The following SV2C variants were observed in gnomAD, a reference collection of about 807,000 sequenced individuals.
SV2C encodes solute carrier family 22 member B3.
Under a neutral mutation model 79.7 loss-of-function variants are expected in SV2C, and 49 were observed. That is an observed-to-expected ratio of 0.61 (90% CI 0.49 to 0.78). The LOEUF is 0.78. Among genes scored for constraint, SV2C ranks in the 30% least tolerant of loss-of-function variants. The pLI is 0.00. For synonymous variants in SV2C, 334 were observed against 333.2 expected, an observed-to-expected ratio of 1.00 and a Z score of -0.03; for missense variants, 833 against 912.9, an observed-to-expected ratio of 0.91 and a Z score of 1.13.
chr5:76,150,792 C>T (rs1333410540), intron 2 of SV2C, among the ~76,000 whole-genome samples: 2 of 151,824 alleles, frequency 1.3e-5, no homozygotes, highest in Non-Finnish European at 2.9e-5. Flanking sequence ...TGTGCACTAA[C>T]ACGCTTGGCT....
the SV2C span, among the ~76,000 whole-genome samples, chr5:76,020,484 A>G: frequency 1.3e-5 from 2 of 152,206 alleles, no homozygotes; most frequent in Non-Finnish European, 2.9e-5. Flanking sequence ...CATAGGTCGC[A>G]TGATCATTCG....
At chr5:75,939,084 C>T in the SV2C span, among the ~76,000 whole-genome samples, 2 of 152,160 alleles carry the variant, frequency 1.3e-5, no homozygotes, top group African/African-American at 2.4e-5. Context: ...CAAAATCATA[C>T]TTCCAGACCC....
At chr5:76,256,008 G>A (rs1408569756) in intron 4 of SV2C, among the ~76,000 whole-genome samples, 1 of 152,212 alleles carries the variant, frequency 6.6e-6, no homozygotes, top group Non-Finnish European at 1.5e-5. Context: ...TATGTGCTAG[G>A]TTGTTTTTAT....
intron 2 of SV2C, among the ~76,000 whole-genome samples, chr5:76,172,058 A>C (rs1157021422): frequency 1.4e-5 from 1 of 72,564 alleles, no homozygotes; most frequent in Non-Finnish European, 2.7e-5. Context: ...AGCCGCCCCT[A>C]CTGGGAAGTG....
rs75515857 is a variant in SV2C, at chr5:76,198,225, C to T, written c.761+3126C>T. Among the ~76,000 whole-genome samples the T allele has an allele frequency of 2.0e-3, 302 of 152,230 alleles. 1 individual carries two copies. Among genetic ancestry groups the T allele is most frequent in the Middle Eastern group, 6.8e-3 (2 of 294 alleles). Reference sequence around the variant, plus strand: ...GGATTTTTGACCTTTCCAAATCTTACGTTGAAATTTGATCCCCGGTGTTGG... The same window carrying T: ...GGATTTTTGACCTTTCCAAATCTTATGTTGAAATTTGATCCCCGGTGTTGG... On this transcript the variant is annotated intron_variant, in intron 3 of 12. Transcript: ENST00000502798.
the SV2C span, among the ~76,000 whole-genome samples, chr5:75,995,144 G>C: frequency 3.3e-5 from 5 of 152,106 alleles, no homozygotes; most frequent in African/African-American, 7.2e-5. Context: ...TGTGAGGGCA[G>C]ATCTTCTTTA....
chr5:76,077,917 C>T, the SV2C span, among the ~76,000 whole-genome samples: 1 of 152,118 alleles, frequency 6.6e-6, no homozygotes, highest in African/African-American at 2.4e-5. Flanking sequence ...CTTGTTTGCC[C>T]AGGTCCAAGG....
chr5:76,212,442 CT>C lies in SV2C; in HGVS notation c.913+2563del, dbSNP rs1033793509. ...GCAAATTTATACAGCAGCTGAAGTG[CT>C]TTTTTTTCTCTCTCTCTCTCTTTTT... is the stretch of plus-strand genomic sequence containing the variant. On this transcript the variant is annotated intron_variant, in intron 4 of 12. Transcript: ENST00000502798. 7.9e-5 allele frequency among the ~76,000 whole-genome samples: 12 copies of C among 151,426 alleles called. No individual in the cohort carries two copies. The East Asian group carries it at 1.2e-3, about 15-fold the overall frequency.
the SV2C span, among the ~76,000 whole-genome samples, chr5:76,003,050 A>C: frequency 6.6e-6 from 1 of 152,056 alleles, no homozygotes; most frequent in Non-Finnish European, 1.5e-5. Flanking sequence ...ATAGTGAGTG[A>C]GTTCGCACAA....
Position 76,253,184 on chromosome 5 carries a change from C to T in SV2C, c.914-31978C>T, listed in dbSNP as rs565832509. Among the ~76,000 whole-genome samples, 5 of 152,232 alleles carry T rather than the reference C, an allele frequency of 3.3e-5. No homozygotes were observed. In the East Asian group the frequency reaches 9.6e-4, roughly 29 times the overall value. On this transcript the variant is annotated intron_variant, in intron 4 of 12. Transcript: ENST00000502798. Reference sequence around the variant, plus strand: ...ATGATTCATGCCTAAAAATGTACTGCATTAGGTTAGAATTCTGTGCAGATA... The same window carrying T: ...ATGATTCATGCCTAAAAATGTACTGTATTAGGTTAGAATTCTGTGCAGATA...
the SV2C span, among the ~76,000 whole-genome samples, chr5:75,986,549 T>C: frequency 6.6e-6 from 1 of 152,082 alleles, no homozygotes; most frequent in South Asian, 2.1e-4. Flanking sequence ...GGAGTAAATT[T>C]GTGTTGTTTT....
chr5:76,057,175 G>C, the SV2C span, among the ~76,000 whole-genome samples: 3 of 152,090 alleles, frequency 2.0e-5, no homozygotes. Context: ...ATGTGTCCCA[G>C]AGATTCTAAT....
chr5:75,868,784 C>A, the SV2C span, among the ~76,000 whole-genome samples: 7 of 152,134 alleles, frequency 4.6e-5, no homozygotes, highest in Non-Finnish European at 8.8e-5. Context: ...CCCCATCCTG[C>A]CACTCCAGAG....
the SV2C span, among the ~76,000 whole-genome samples, chr5:75,913,784 C>T: frequency 6.6e-6 from 1 of 152,188 alleles, no homozygotes; most frequent in African/African-American, 2.4e-5. Context: ...TGAATATTTG[C>T]AAAAGATTCT....
chr5:76,019,159 T>C, the SV2C span, among the ~76,000 whole-genome samples: 7 of 152,182 alleles, frequency 4.6e-5, no homozygotes, highest in African/African-American at 1.7e-4. Flanking sequence ...TCAGCTGTAG[T>C]ACAGGAGGGA....
the SV2C span, among the ~76,000 whole-genome samples, chr5:75,918,678 A>G: frequency 1.3e-5 from 2 of 152,262 alleles, no homozygotes; most frequent in Non-Finnish European, 1.5e-5. Context: ...ATTAATCAAA[A>G]CAAAAAGGAC....
rs1037373439 is a variant in SV2C at position 76,231,752 on chromosome 5, A to G, written c.913+21865A>G. Among the ~76,000 whole-genome samples, 30 of 144,518 alleles carry G rather than the reference A, an allele frequency of 2.1e-4. 1 individual carries two copies. The highest frequency in any genetic ancestry group is 1.5e-3 in the Admixed American group (22 of 15,068). The allele number at this position is 144,518 out of a possible 152,430, so 94.8% of individuals were successfully genotyped here. A position where few individuals can be genotyped will look rare whatever the true frequency, so the allele number is the denominator to read the frequency against. On this transcript the variant is annotated intron_variant, in intron 4 of 12. Transcript: ENST00000502798. ...GATTTCCAATTTCATCCATGTCCCT[A>G]CAAAGGACATGAACTCATCATTTTT...
At chr5:76,019,960 C>T in the SV2C span, among the ~76,000 whole-genome samples, 1 of 152,148 alleles carries the variant, frequency 6.6e-6, no homozygotes, top group East Asian at 1.9e-4. Context: ...TAGATTAAGT[C>T]TCTGGTAGTT....
At chr5:76,060,101 A>G in the SV2C span, among the ~76,000 whole-genome samples, 1 of 152,180 alleles carries the variant, frequency 6.6e-6, no homozygotes, top group East Asian at 1.9e-4. Context: ...GCTGTCGCTC[A>G]GGCGTTCTTA....
Sources: gnomAD v4.1 joint callset for allele counts (sites outside exome capture counted in the v4.1 genomes callset) on GRCh38, gnomAD v4.1.1 for gene constraint, MANE v1.5 for transcripts, NCBI Gene and HGNC (gene_info 2026-07-23, HGNC 2026-07-21) for gene names.